NRG3: variants seen among roughly 807,000 people sequenced by gnomAD.
NRG3 encodes neuregulin 3.
In NRG3, 31 loss-of-function variants were observed where a neutral mutation model predicts 66.9. The ratio of observed to expected loss-of-function variants is 0.46; its 90% CI spans 0.35 to 0.63. The LOEUF is 0.63. NRG3 is among the 20% of genes least tolerant of loss of function. The pLI, the probability that NRG3 is intolerant of heterozygous loss-of-function variation, is 0.00. For synonymous variants in NRG3, 393 were observed against 359.4 expected (o/e 1.09, Z -1.06); for missense variants, 910 against 878.9 (o/e 1.04, Z -0.45).
chr10:82,184,498 C>T (rs2073668251), intron 1 of NRG3, among the ~76,000 whole-genome samples: 1 of 152,084 alleles, frequency 6.6e-6, no homozygotes, highest in South Asian at 2.1e-4. Flanking sequence ...AAGGCATGCT[C>T]AAAGAAGTCA....
chr10:82,663,013 C>G (rs1418951190), intron 2 of NRG3, among the ~76,000 whole-genome samples: 4 of 152,190 alleles, frequency 2.6e-5, no homozygotes, highest in Non-Finnish European at 5.9e-5. Flanking sequence ...TGACTTCTAT[C>G]TGAAATCTCT....
intron 6 of NRG3, among the ~76,000 whole-genome samples, chr10:82,967,610 C>T (rs10787520): frequency 0.36 from 55,258 of 151,880 alleles, 10,580 homozygotes; most frequent in East Asian, 0.66. Context: ...ACTTTTTTTC[C>T]TCTCTTACGT....
chr10:82,748,496 C>T (rs1297847387), intron 3 of NRG3, among the ~76,000 whole-genome samples: 1 of 151,284 alleles, frequency 6.6e-6, no homozygotes, highest in Non-Finnish European at 1.5e-5. Flanking sequence ...TTAAAAAAAA[C>T]TTGAAGGCAC....
chr10:82,900,715 A>T (rs1004277192), intron 4 of NRG3, among the ~76,000 whole-genome samples: 2 of 152,170 alleles, frequency 1.3e-5, no homozygotes, highest in Non-Finnish European at 2.9e-5. Context: ...AGAAAATGAG[A>T]CCCAGACACA....
intron 1 of NRG3, among the ~76,000 whole-genome samples, chr10:82,176,228 T>G (rs1158089460): frequency 1.3e-5 from 2 of 152,184 alleles, no homozygotes; most frequent in Non-Finnish European, 2.9e-5. Flanking sequence ...AGGATATCCT[T>G]TGGGAAATGT....
intron 2 of NRG3, among the ~76,000 whole-genome samples, chr10:82,410,197 T>C (rs1004315841): frequency 5.9e-5 from 9 of 152,100 alleles, no homozygotes; most frequent in African/African-American, 2.2e-4. Flanking sequence ...TTTGTGGTCA[T>C]TAAGAAATCT....
At position 82,433,992 on chromosome 10, in the gene NRG3, A is replaced by C. The variant is rs141508603; in HGVS notation, c.953+75124A>C. 2.9e-3 allele frequency among the ~76,000 whole-genome samples: 438 copies of C among 152,236 alleles called. 1 individual carries two copies. Among genetic ancestry groups the C allele is most frequent in the African/African-American group, 0.01 (420 of 41,538 alleles). On this transcript the variant is annotated intron_variant, in intron 2 of 8. Coordinates refer to ENST00000372141, the MANE Select transcript of NRG3 (RefSeq NM_001010848.4). ...TTTTTCTAATTCTGTGAAGAATGTC[A>C]ATGGTAGTTTGATGGGAATAACATT... is the stretch of plus-strand genomic sequence containing the variant.
At chr10:82,443,291 G>A (rs2090540397) in intron 2 of NRG3, among the ~76,000 whole-genome samples, 3 of 152,126 alleles carry the variant, frequency 2.0e-5, no homozygotes, top group South Asian at 4.2e-4. Context: ...AAAACCACCA[G>A]CTTCGGTAAT....
chr10:82,821,856 T>A (rs1375817754), intron 3 of NRG3, among the ~76,000 whole-genome samples: 1 of 152,144 alleles, frequency 6.6e-6, no homozygotes, highest in Non-Finnish European at 1.5e-5. Context: ...CAATGTATAA[T>A]TGAACCTTCC....
rs1020663321 is a variant in NRG3, at chr10:82,231,056, A to G, written c.824-127683A>G. Among the ~76,000 whole-genome samples, 6 of 152,262 alleles carry G rather than the reference A, an allele frequency of 3.9e-5. No homozygotes were observed. In the South Asian group the frequency reaches 1.0e-3, roughly 26 times the overall value. On this transcript the variant is annotated intron_variant, in intron 1 of 8. Transcript: ENST00000372141. ...AAAGAAATGTAGGATTATAAATATT[A>G]TATTGGCCAGGCACAGTGGCTCATG...
chr10:82,349,032 A>G (rs1320912042), intron 1 of NRG3, among the ~76,000 whole-genome samples: 1 of 152,120 alleles, frequency 6.6e-6, no homozygotes, highest in Non-Finnish European at 1.5e-5. Flanking sequence ...TGTAGCTCAG[A>G]GTAATTTGAT....
chr10:81,924,228 A>G (rs1035653373), intron 1 of NRG3, among the ~76,000 whole-genome samples: 2 of 152,248 alleles, frequency 1.3e-5, no homozygotes, highest in Non-Finnish European at 2.9e-5. Context: ...AACAATGTGT[A>G]TCTTTTCCAA....
intron 2 of NRG3, among the ~76,000 whole-genome samples, chr10:82,730,364 G>A (rs908904554): frequency 6.6e-6 from 1 of 152,088 alleles, no homozygotes; most frequent in African/African-American, 2.4e-5. Flanking sequence ...GATTACAGGT[G>A]TGAGCTACCG....
intron 1 of NRG3, among the ~76,000 whole-genome samples, chr10:82,018,597 C>G (rs1313129384): frequency 6.6e-6 from 1 of 152,010 alleles, no homozygotes; most frequent in Non-Finnish European, 1.5e-5. Flanking sequence ...TGTTTGTATC[C>G]TCTTTTATTT....
chr10:82,979,857 G>A (rs939216858), intron 8 of NRG3, among the ~76,000 whole-genome samples: 1 of 152,090 alleles, frequency 6.6e-6, no homozygotes, highest in African/African-American at 2.4e-5. Context: ...CTTACTACTA[G>A]TGTGACTGTG....
At chr10:81,933,476 C>T (rs1209896365) in intron 1 of NRG3, among the ~76,000 whole-genome samples, 2 of 152,064 alleles carry the variant, frequency 1.3e-5, no homozygotes, top group African/African-American at 4.8e-5. Flanking sequence ...ATGTGCACAT[C>T]GTGCAGGTTT....
At chr10:82,958,836 T>A in intron 5 of NRG3, 113 bp from the exon 6 acceptor site, 1 of 1,247,206 alleles carries the variant, frequency 8.0e-7, no homozygotes, top group South Asian at 2.0e-5. Flanking sequence ...GTTAGCTGAG[T>A]TTATTTAACT....
At chr10:82,493,968 G>A (rs1444025145) in intron 2 of NRG3, among the ~76,000 whole-genome samples, 1 of 152,134 alleles carries the variant, frequency 6.6e-6, no homozygotes, top group Admixed American at 6.6e-5. Context: ...CACTCATGAA[G>A]CCAATAAACA....
intron 4 of NRG3, among the ~76,000 whole-genome samples, chr10:82,923,613 A>G (rs1233783330): frequency 2.6e-5 from 4 of 152,270 alleles, no homozygotes; most frequent in African/African-American, 9.6e-5. Context: ...TGATTTGGTA[A>G]ATATACAAAT....
Sources: gnomAD v4.1 joint callset for allele counts (sites outside exome capture counted in the v4.1 genomes callset) on GRCh38, gnomAD v4.1.1 for gene constraint, MANE v1.5 for transcripts, NCBI Gene and HGNC (gene_info 2026-07-23, HGNC 2026-07-21) for gene names.